AFAP1: variants seen among roughly 807,000 people sequenced by gnomAD.
AFAP1 encodes actin filament-associated protein 1.
A neutral mutation model predicts 93.9 loss-of-function variants in AFAP1; 75 were observed. The ratio of observed to expected loss-of-function variants is 0.80; its 90% CI spans 0.66 to 0.97. The LOEUF is 0.97. Among genes scored for constraint, AFAP1 ranks in the 50% least tolerant of loss-of-function variants. The pLI is 0.00. For synonymous variants in AFAP1, 517 were observed against 430.7 expected (o/e 1.20, Z -2.48); for missense variants, 1,201 against 1,050.8 (o/e 1.14, Z -1.98).
chr4:7,843,735 G>A (rs1033853713), intron 4 of AFAP1: 15 of 187,074 alleles, frequency 8.0e-5, no homozygotes, highest in African/African-American at 2.9e-4. Flanking sequence ...GCCCTCCCAC[G>A]TCCGCACCTT....
At position 7,939,586 on chromosome 4, in the gene AFAP1, G is replaced by T; in HGVS notation, c.-3+70C>A. 2.5e-6 allele frequency: 1 copy of T among 393,002 alleles called. No homozygotes were observed. The allele number at this position is 393,002 out of a possible 1,614,324, so 24.3% of individuals were successfully genotyped here. A position where few individuals can be genotyped will look rare whatever the true frequency, so the allele number is the denominator to read the frequency against. On this transcript the variant is annotated intron_variant, in intron 1 of 17. Transcript: ENST00000420658. The surrounding 1 kb of genome is among the most constrained non-coding windows in gnomAD (Gnocchi z 5.6). Reference sequence around the variant, plus strand: ...CCCCGGACCCTGCGGAGCCCCGCTCGGAGCTTCCACGCCCGGGGCAGAGAC... The same window carrying T: ...CCCCGGACCCTGCGGAGCCCCGCTCTGAGCTTCCACGCCCGGGGCAGAGAC...
chr4:7,905,877 G>A (rs550951569), intron 1 of AFAP1, among the ~76,000 whole-genome samples: 3 of 152,332 alleles, frequency 2.0e-5, no homozygotes, highest in African/African-American at 7.2e-5. Context: ...ACAGCCTGCA[G>A]TGTGGAGGCA....
At chr4:7,776,717 G>C (rs569999344) in intron 14 of AFAP1, 1 of 152,102 alleles carries the variant, frequency 6.6e-6, no homozygotes, top group Non-Finnish European at 1.5e-5. Flanking sequence ...CAAAAGCGTC[G>C]GCAGCCTGAG....
At chr4:7,821,086 C>A (rs1038819876) in intron 6 of AFAP1, among the ~76,000 whole-genome samples, 5 of 152,162 alleles carry the variant, frequency 3.3e-5, no homozygotes, top group East Asian at 3.9e-4. Flanking sequence ...CCACTGCACT[C>A]CAGCCTGGGC....
intron 1 of AFAP1, among the ~76,000 whole-genome samples, chr4:7,890,389 C>T (rs1420089273): frequency 6.6e-6 from 1 of 152,132 alleles, no homozygotes; most frequent in Non-Finnish European, 1.5e-5. Context: ...TTAAATAGAT[C>T]AGACCTAAAC....
At chr4:7,811,290 G>A (rs148768714) in intron 8 of AFAP1, among the ~76,000 whole-genome samples, 2 of 152,232 alleles carry the variant, frequency 1.3e-5, no homozygotes, top group East Asian at 1.9e-4. Context: ...AGAAGGTGAT[G>A]AGAGTCAAGG....
chr4:7,872,939 TAAAAAAAAA>T (rs1181240219), intron 1 of AFAP1, among the ~76,000 whole-genome samples: 7 of 110,004 alleles, frequency 6.4e-5, no homozygotes, highest in East Asian at 5.8e-4. Flanking sequence ...TTTTTTTTTT[TAAAAAAAAA>T]AAAAAAAAAA....
At chr4:7,807,043 C>T (rs953504276) in intron 9 of AFAP1, among the ~76,000 whole-genome samples, 1 of 152,160 alleles carries the variant, frequency 6.6e-6, no homozygotes, top group African/African-American at 2.4e-5. Context: ...GTTCTCAGCT[C>T]GCTGTGTGGC....
intron 1 of AFAP1, among the ~76,000 whole-genome samples, chr4:7,881,416 T>A (rs1039193306): frequency 2.6e-5 from 4 of 152,112 alleles, no homozygotes; most frequent in Non-Finnish European, 5.9e-5. Flanking sequence ...CACCTCTTGG[T>A]GAAGCCGTCC....
chr4:7,865,915 A>G (rs1449018617), intron 3 of AFAP1, among the ~76,000 whole-genome samples: 1 of 152,178 alleles, frequency 6.6e-6, no homozygotes, highest in Non-Finnish European at 1.5e-5. Context: ...TTATTTTTTG[A>G]GACGGAGTCT....
At chr4:7,915,867 G>A (rs1720058330) in intron 1 of AFAP1, among the ~76,000 whole-genome samples, 1 of 152,236 alleles carries the variant, frequency 6.6e-6, no homozygotes, top group Non-Finnish European at 1.5e-5. Flanking sequence ...AATTAGCAAG[G>A]AATAGCGGAT....
At chr4:7,891,124 T>G (rs1007672831) in intron 1 of AFAP1, among the ~76,000 whole-genome samples, 2 of 151,828 alleles carry the variant, frequency 1.3e-5, no homozygotes, top group Non-Finnish European at 2.9e-5. Flanking sequence ...CACACATAAC[T>G]CAGATTAATC....
At position 7,939,499 on chromosome 4, in the gene AFAP1, G is replaced by C; in HGVS notation, c.-3+157C>G. 1 of 320,448 alleles carries C rather than the reference G, an allele frequency of 3.1e-6. No homozygotes were observed. 19.9% of individuals were successfully genotyped at this position (320,448 alleles called of 1,614,324 possible). A position where few individuals can be genotyped will look rare whatever the true frequency, so the allele number is the denominator to read the frequency against. On this transcript the variant is annotated intron_variant, in intron 1 of 17. Transcript: ENST00000420658. This position sits in a 1 kb window ranked among gnomAD's most constrained non-coding sequence, Gnocchi z 5.6. ...GGACCCCCGCGCGGGCCCACGCGGC[G>C]TCGCAGCAGGCGCGGAGCCCCCGGT... is the stretch of plus-strand genomic sequence containing the variant.
At chr4:7,887,056 AG>A (rs1718177995) in intron 1 of AFAP1, among the ~76,000 whole-genome samples, 5 of 152,308 alleles carry the variant, frequency 3.3e-5, no homozygotes, top group African/African-American at 9.6e-5. Context: ...GAATCACAAA[AG>A]GTTTCTAGAA....
At chr4:7,935,351 C>T (rs1347488118) in intron 1 of AFAP1, among the ~76,000 whole-genome samples, 1 of 152,112 alleles carries the variant, frequency 6.6e-6, no homozygotes, top group East Asian at 1.9e-4. Context: ...GGCCACATAT[C>T]GAATTCCAGT....
At chr4:7,935,117 A>G (rs1721299770) in intron 1 of AFAP1, among the ~76,000 whole-genome samples, 1 of 152,254 alleles carries the variant, frequency 6.6e-6, no homozygotes, top group South Asian at 2.1e-4. Context: ...ATTTCAAAGG[A>G]AAACTCAGAT....
intron 3 of AFAP1, among the ~76,000 whole-genome samples, chr4:7,862,838 T>C (rs1715888861): frequency 6.6e-6 from 1 of 152,182 alleles, no homozygotes; most frequent in Non-Finnish European, 1.5e-5. Flanking sequence ...CTTGCCCTTT[T>C]TTCTCCTGAG....
intron 11 of AFAP1, among the ~76,000 whole-genome samples, chr4:7,786,900 A>G (rs1717314683): frequency 6.6e-6 from 1 of 152,188 alleles, no homozygotes. Flanking sequence ...TCATTCAACA[A>G]ATATTTATGG....
rs1350239692 is a variant in AFAP1, at chr4:7,872,071, T to C, written c.8A>G (p.Glu3Gly). Reference protein sequence around the residue: MEELIVELRLFLE... With the variant: MEGLIVELRLFLE... ...AAAGAGACGAAGTTCAACTATTAAC[T>C]CTTCCATTGCTGACAACAAAAGAGG... Residue 3 changes from glutamate (E) to glycine (G), a missense_variant, in exon 2 of 18, where the codon GAG becomes GGG. By Grantham distance (98) the Glu-to-Gly change is moderately conservative. Transcript: ENST00000420658. 6.2e-7 allele frequency: 1 copy of C among 1,613,824 alleles called. No homozygotes were observed. Among genetic ancestry groups the C allele is most frequent in the Non-Finnish European group, 8.5e-7 (1 of 1,180,014 alleles).
Sources: gnomAD v4.1 joint callset for allele counts (sites outside exome capture counted in the v4.1 genomes callset) on GRCh38, gnomAD v4.1.1 for gene constraint, Gnocchi (gnomAD v3.1) non-coding constraint, MANE v1.5 for transcripts, NCBI Gene and HGNC (gene_info 2026-07-23, HGNC 2026-07-21) for gene names.